Variants in SDK2 observed in about 807,000 individuals in gnomAD.
SDK2 encodes sidekick cell adhesion molecule 2, also known as protein sidekick-2.
Under a neutral mutation model 253.9 loss-of-function variants are expected in SDK2, and 105 were observed. That is an observed-to-expected ratio of 0.41 (90% confidence interval 0.35 to 0.49). SDK2 has a LOEUF of 0.49. Among genes scored for constraint, SDK2 ranks in the 20% least tolerant of loss-of-function variants. SDK2 has a pLI of 0.06. For missense variants in SDK2, 2,608 were observed against 3,003.0 expected, an observed-to-expected ratio of 0.87 and a Z score of 3.07; for synonymous variants, 1,249 against 1,234.9, an observed-to-expected ratio of 1.01 and a Z score of -0.24.
At chr17:73,522,716 C>T (rs141848233) in intron 1 of SDK2, among the ~76,000 whole-genome samples, 35 of 152,326 alleles carry the variant, frequency 2.3e-4, no homozygotes, top group African/African-American at 6.7e-4. Flanking sequence ...CACCCACCCC[C>T]GCTCCTCTCT....
chr17:73,543,853 C>A (rs1217846700), intron 1 of SDK2, among the ~76,000 whole-genome samples: 1 of 152,224 alleles, frequency 6.6e-6, no homozygotes, highest in Non-Finnish European at 1.5e-5. Flanking sequence ...AACTGAGTGC[C>A]TCCTGGGTGA....
intron 5 of SDK2, among the ~76,000 whole-genome samples, chr17:73,442,744 C>G (rs1649134367): frequency 6.6e-6 from 1 of 151,616 alleles, no homozygotes; most frequent in Non-Finnish European, 1.5e-5. Context: ...ATGAATGGAT[C>G]TAGAGTTACC....
intron 18 of SDK2, among the ~76,000 whole-genome samples, chr17:73,404,556 G>A (rs758328720): frequency 6.6e-6 from 1 of 152,160 alleles, no homozygotes; most frequent in Non-Finnish European, 1.5e-5. Flanking sequence ...TGAGGTTCAG[G>A]AAGGTTAAGG....
At chr17:73,561,695 A>G (rs914664694) in intron 1 of SDK2, among the ~76,000 whole-genome samples, 2 of 152,250 alleles carry the variant, frequency 1.3e-5, no homozygotes, top group African/African-American at 2.4e-5. Flanking sequence ...AGCACTGTGC[A>G]GACTCCTGTA....
At chr17:73,388,686 A>T (rs541275770) in intron 29 of SDK2, among the ~76,000 whole-genome samples, 99 of 152,202 alleles carry the variant, frequency 6.5e-4, no homozygotes, top group African/African-American at 1.7e-3. Flanking sequence ...CCAGTTGAGA[A>T]GCACTGTACT....
chr17:73,603,407 C>A (rs1351968680), intron 1 of SDK2, among the ~76,000 whole-genome samples: 1 of 152,196 alleles, frequency 6.6e-6, no homozygotes, highest in Non-Finnish European at 1.5e-5. Context: ...CTAGAAGATT[C>A]AAAAATGCTC....
At chr17:73,453,656 C>G (rs1022991003) in intron 4 of SDK2, among the ~76,000 whole-genome samples, 1 of 152,180 alleles carries the variant, frequency 6.6e-6, no homozygotes, top group African/African-American at 2.4e-5. Flanking sequence ...AGATTACAGG[C>G]ATGAGCCACT....
At chr17:73,365,944 C>A (rs4969114) in intron 37 of SDK2, among the ~76,000 whole-genome samples, 66,237 of 151,912 alleles carry the variant, frequency 0.44, 15,835 homozygotes, top group East Asian at 0.62. Context: ...ACAGTCAGAC[C>A]CTCTGGGAGA....
chr17:73,395,710 CA>C lies in SDK2; in HGVS notation c.3355-319del, dbSNP rs1182332196. On this transcript the variant is annotated intron_variant, in intron 24 of 44. Transcript: ENST00000392650. This position sits in a 1 kb window ranked among gnomAD's most constrained non-coding sequence, Gnocchi z 4.3. ...GTGTCTGACACACCGATAGCACCGC[CA>C]CCTTTGGCTCTGCTGTCTCTGCTGC... Among the ~76,000 whole-genome samples the C allele has an allele frequency of 6.6e-6, 1 of 152,198 alleles. No homozygotes were observed.
intron 1 of SDK2, chr17:73,519,427 C>T (rs1191321239): frequency 6.6e-6 from 1 of 152,332 alleles, no homozygotes; most frequent in Non-Finnish European, 1.5e-5. Context: ...GGCTTGACCT[C>T]ACCACCCCCA....
chr17:73,369,263 CCAGA>C (rs1378400453), intron 36 of SDK2: 3 of 421,614 alleles, frequency 7.1e-6, no homozygotes, highest in Non-Finnish European at 1.5e-5. Context: ...TGGAGTCTAT[CCAGA>C]CAGAGTGTGG....
At chr17:73,369,088 T>TCTCTGCCAGACA (rs905752250) in intron 36 of SDK2, 3 of 444,314 alleles carry the variant, frequency 6.8e-6, no homozygotes, top group African/African-American at 6.1e-5. Context: ...AAGACCCTGG[T>TCTCTGCCAGACA]CTCTGCCAGA....
intron 2 of SDK2, among the ~76,000 whole-genome samples, chr17:73,474,030 A>C (rs2063669513): frequency 6.6e-6 from 1 of 152,198 alleles, no homozygotes; most frequent in Admixed American, 6.5e-5. Flanking sequence ...TATATTAAAA[A>C]AAGAAACTTT....
At chr17:73,392,798 T>C (rs868329176) in intron 27 of SDK2, among the ~76,000 whole-genome samples, 1 of 152,032 alleles carries the variant, frequency 6.6e-6, no homozygotes, top group Non-Finnish European at 1.5e-5. Flanking sequence ...AAGGGATGCA[T>C]TGGTGAGCTT....
At chr17:73,631,560 G>A (rs1472254136) in intron 1 of SDK2, among the ~76,000 whole-genome samples, 1 of 152,206 alleles carries the variant, frequency 6.6e-6, no homozygotes, top group Non-Finnish European at 1.5e-5. Context: ...GGGAATGGGT[G>A]AGCAGGTGGG....
intron 12 of SDK2, among the ~76,000 whole-genome samples, chr17:73,426,155 C>T (rs1475729783): frequency 4.0e-5 from 6 of 148,732 alleles, no homozygotes; most frequent in South Asian, 4.3e-4. Flanking sequence ...AGCAATTCTC[C>T]TGCCTCAGCC....
At chr17:73,613,623 A>C in intron 1 of SDK2, among the ~76,000 whole-genome samples, 1 of 94,608 alleles carries the variant, frequency 1.1e-5, no homozygotes, top group South Asian at 3.8e-4. Context: ...CTCCCCCTAC[A>C]TATGCTCATC....
intron 1 of SDK2, among the ~76,000 whole-genome samples, chr17:73,624,256 G>C (rs1248010136): frequency 6.6e-6 from 1 of 152,236 alleles, no homozygotes; most frequent in East Asian, 1.9e-4. Flanking sequence ...CACTTTGGGA[G>C]GCCAAGGCAG....
intron 2 of SDK2, among the ~76,000 whole-genome samples, chr17:73,501,242 G>GCA (rs34715004): frequency 1.2e-3 from 177 of 150,856 alleles, no homozygotes; most frequent in Non-Finnish European, 1.6e-3. Context: ...GCATGTGCAT[G>GCA]CACACACACA....
Sources: gnomAD v4.1 joint callset for allele counts (sites outside exome capture counted in the v4.1 genomes callset) on GRCh38, gnomAD v4.1.1 for gene constraint, Gnocchi (gnomAD v3.1) non-coding constraint, MANE v1.5 for transcripts, NCBI Gene and HGNC (gene_info 2026-07-23, HGNC 2026-07-21) for gene names.